The following TSPAN14 variants were observed in gnomAD, a reference collection of about 807,000 sequenced individuals.
TSPAN14 encodes tetraspanin-14.
In TSPAN14, 16 loss-of-function variants were observed where a neutral mutation model predicts 36.6. That is an observed-to-expected ratio of 0.44 (90% CI 0.30 to 0.66). The LOEUF is 0.66. Ranked by LOEUF, TSPAN14 falls within the 30% of genes least tolerant of loss-of-function variation. The pLI, the probability that TSPAN14 is intolerant of heterozygous loss-of-function variation, is 0.12. For synonymous variants in TSPAN14, 139 were observed against 143.8 expected (o/e 0.97, Z 0.24); for missense variants, 231 against 355.1 (o/e 0.65, Z 2.81).
chr10:80,468,290 G>C (rs78741889), intron 1 of TSPAN14, among the ~76,000 whole-genome samples: 5 of 151,956 alleles, frequency 3.3e-5, no homozygotes, highest in Non-Finnish European at 5.9e-5. Flanking sequence ...TGTTTCTGCC[G>C]GCACGAACAC....
At chr10:80,459,672 T>C (rs1206939142) in intron 1 of TSPAN14, among the ~76,000 whole-genome samples, 2 of 152,220 alleles carry the variant, frequency 1.3e-5, no homozygotes, top group Admixed American at 1.3e-4. Context: ...GTCCCAGCTG[T>C]TGGGCCTGTG....
intron 2 of TSPAN14, among the ~76,000 whole-genome samples, chr10:80,490,382 T>G (rs867541307): frequency 6.6e-5 from 10 of 152,228 alleles, no homozygotes; most frequent in Middle Eastern, 3.4e-3. Flanking sequence ...GTCTGAATAT[T>G]GAGCCCTAGG....
At chr10:80,481,326 C>T (rs1847262621) in intron 1 of TSPAN14, among the ~76,000 whole-genome samples, 1 of 152,110 alleles carries the variant, frequency 6.6e-6, no homozygotes, top group South Asian at 2.1e-4. Context: ...AATAAAACAT[C>T]AGATGTGAAA....
At chr10:80,492,064 G>A (rs1026339238) in intron 2 of TSPAN14, among the ~76,000 whole-genome samples, 2 of 152,204 alleles carry the variant, frequency 1.3e-5, no homozygotes, top group African/African-American at 4.8e-5. Context: ...TCCCTGAGCT[G>A]AGTGACCTGG....
chr10:80,481,514 C>T (rs1053128502), intron 1 of TSPAN14, among the ~76,000 whole-genome samples: 9 of 152,144 alleles, frequency 5.9e-5, no homozygotes, highest in Non-Finnish European at 1.0e-4. Flanking sequence ...AAAATTACTC[C>T]AGCCAGCACT....
At chr10:80,515,623 AGGTGTGAGGG>A (rs1471261754) in intron 7 of TSPAN14, 1 of 147,710 alleles carries the variant, frequency 6.8e-6, no homozygotes, top group Non-Finnish European at 1.5e-5. Flanking sequence ...GGAGGCTGAT[AGGTGTGAGGG>A]GGCTGGGGCC....
At chr10:80,477,044 C>T (rs1846956096) in intron 1 of TSPAN14, among the ~76,000 whole-genome samples, 1 of 152,230 alleles carries the variant, frequency 6.6e-6, no homozygotes, top group Non-Finnish European at 1.5e-5. Context: ...TCAGCCAGGG[C>T]TACTCTTAGC....
exon 9 of TSPAN14, chr10:80,522,401 C>T (rs1413662172): frequency 1.3e-5 from 2 of 152,136 alleles, no homozygotes; most frequent in Non-Finnish European, 1.5e-5. Context: ...GTCCCAGCTG[C>T]TCGGGAGGCT....
At chr10:80,507,438 A>G in intron 4 of TSPAN14, 64 bp downstream of exon 4, 1 of 1,607,780 alleles carries the variant, frequency 6.2e-7, no homozygotes, top group Non-Finnish European at 8.5e-7. Flanking sequence ...GCTGGGCAGG[A>G]TTATATGTTA....
At chr10:80,464,192 CAG>C (rs753801976) in intron 1 of TSPAN14, among the ~76,000 whole-genome samples, 13 of 152,192 alleles carry the variant, frequency 8.5e-5, no homozygotes, top group South Asian at 4.1e-4. Context: ...CCCGCAGTGT[CAG>C]GGGTTGGTGT....
chr10:80,457,933 C>A (rs148769349), intron 1 of TSPAN14, among the ~76,000 whole-genome samples: 1 of 152,222 alleles, frequency 6.6e-6, no homozygotes, highest in African/African-American at 2.4e-5. Flanking sequence ...AGTGGGAACA[C>A]CCCTGGTGGC....
At chr10:80,515,793 C>T (rs141694332) in intron 7 of TSPAN14, 28 of 166,466 alleles carry the variant, frequency 1.7e-4, no homozygotes, top group Non-Finnish European at 2.9e-4. Context: ...GTGGGATGCC[C>T]GCTCCGAGAA....
chr10:80,486,899 CT>C (rs1378912622), intron 1 of TSPAN14, among the ~76,000 whole-genome samples: 2 of 151,920 alleles, frequency 1.3e-5, no homozygotes, highest in African/African-American at 2.4e-5. Context: ...CAACCCTCCC[CT>C]GAAGGGAAAA....
At chr10:80,476,970 C>T (rs1234277553) in intron 1 of TSPAN14, among the ~76,000 whole-genome samples, 1 of 152,166 alleles carries the variant, frequency 6.6e-6, no homozygotes, top group African/African-American at 2.4e-5. Flanking sequence ...CACTTCTAGG[C>T]TCATTCAGGT....
chr10:80,487,876 C>T (rs764974155), intron 1 of TSPAN14, among the ~76,000 whole-genome samples: 10 of 152,224 alleles, frequency 6.6e-5, no homozygotes, highest in Middle Eastern at 3.4e-3. Flanking sequence ...AATTCCACAC[C>T]GTGGGAGAGG....
intron 1 of TSPAN14, among the ~76,000 whole-genome samples, chr10:80,470,156 G>A (rs1029943648): frequency 6.6e-6 from 1 of 152,148 alleles, no homozygotes; most frequent in Non-Finnish European, 1.5e-5. Context: ...TGCGTTCTCA[G>A]CTCACTGAAA....
At chr10:80,510,829 A>C (rs954654512) in intron 5 of TSPAN14, among the ~76,000 whole-genome samples, 1 of 152,174 alleles carries the variant, frequency 6.6e-6, no homozygotes, top group Non-Finnish European at 1.5e-5. Context: ...AGCCGAGATC[A>C]CGCCACTGCA....
intron 1 of TSPAN14, among the ~76,000 whole-genome samples, chr10:80,471,206 C>G (rs554106111): frequency 3.5e-4 from 53 of 152,202 alleles, no homozygotes; most frequent in African/African-American, 1.2e-3. Context: ...TTCTCGGTGT[C>G]TTACATGCAG....
intron 1 of TSPAN14, among the ~76,000 whole-genome samples, chr10:80,483,911 CAAAAAAAAAAAAAAAAAAA>C (rs57795678): frequency 0.016 from 263 of 16,546 alleles, 3 homozygotes; most frequent in African/African-American, 0.041. Context: ...ACTCTTGTCT[CAAAAAAAAAAAAAAAAAAA>C]AAAAAAAAAA....
Sources: allele counts gnomAD v4.1 joint callset (sites outside exome capture counted in the v4.1 genomes callset), GRCh38; gene constraint gnomAD v4.1.1; transcripts MANE v1.5; gene names NCBI Gene and HGNC (gene_info 2026-07-23, HGNC 2026-07-21).